The following ARB2A variants were observed in gnomAD, a reference collection of about 807,000 sequenced individuals.
ARB2A encodes the protein ARB2 cotranscriptional regulator A.
chr5:93,676,575 T>C, the ARB2A span, among the ~76,000 whole-genome samples: 1 of 152,208 alleles, frequency 6.6e-6, no homozygotes, highest in Non-Finnish European at 1.5e-5. Context: ...GAAACATGAA[T>C]TGCATATTCT....
the ARB2A span, among the ~76,000 whole-genome samples, chr5:94,002,385 G>A: frequency 6.6e-6 from 1 of 152,000 alleles, no homozygotes; most frequent in East Asian, 1.9e-4. Context: ...AGGTCCCTCT[G>A]GAGTTTTTAA....
the ARB2A span, among the ~76,000 whole-genome samples, chr5:93,840,206 G>T: frequency 9.2e-5 from 14 of 152,198 alleles, no homozygotes; most frequent in African/African-American, 1.4e-4. Flanking sequence ...TTGTATCTTT[G>T]TTCTCACTAG....
chr5:93,842,954 A>T, the ARB2A span, among the ~76,000 whole-genome samples: 2 of 152,190 alleles, frequency 1.3e-5, no homozygotes, highest in Non-Finnish European at 2.9e-5. Context: ...CAGTTTCATC[A>T]CCACCATCCC....
the ARB2A span, among the ~76,000 whole-genome samples, chr5:93,720,422 G>T: frequency 1.3e-5 from 2 of 152,266 alleles, no homozygotes; most frequent in Admixed American, 6.5e-5. Context: ...TCAGGGTTAA[G>T]ATCAGCTAAA....
chr5:94,004,887 T>G, the ARB2A span, among the ~76,000 whole-genome samples: 1 of 148,992 alleles, frequency 6.7e-6, no homozygotes, highest in Non-Finnish European at 1.5e-5. Context: ...GCTTATCTAA[T>G]AAACATATTT....
At chr5:93,690,842 G>A in the ARB2A span, among the ~76,000 whole-genome samples, 1 of 152,158 alleles carries the variant, frequency 6.6e-6, no homozygotes, top group South Asian at 2.1e-4. Flanking sequence ...TCCAGAGGAA[G>A]GAACAGACAG....
chr5:94,016,653 G>A, the ARB2A span, among the ~76,000 whole-genome samples: 1 of 152,230 alleles, frequency 6.6e-6, no homozygotes, highest in African/African-American at 2.4e-5. Context: ...CCTTTATGCA[G>A]ATGATGAGAA....
chr5:93,731,070 C>T, the ARB2A span, among the ~76,000 whole-genome samples: 1 of 152,122 alleles, frequency 6.6e-6, no homozygotes, highest in African/African-American at 2.4e-5. Context: ...TAGGAAACAA[C>T]AAAGTCTCTC....
At chr5:93,676,932 G>A in the ARB2A span, among the ~76,000 whole-genome samples, 48 of 152,190 alleles carry the variant, frequency 3.2e-4, no homozygotes, top group Non-Finnish European at 5.7e-4. Flanking sequence ...GCCATGTCAC[G>A]GTGCCAGATT....
chr5:93,690,874 C>T, the ARB2A span, among the ~76,000 whole-genome samples: 2 of 152,136 alleles, frequency 1.3e-5, no homozygotes, highest in Admixed American at 6.5e-5. Context: ...GTTCTGCAGC[C>T]TCCGCTGGTG....
chr5:93,932,796 A>G, the ARB2A span, among the ~76,000 whole-genome samples: 4 of 152,256 alleles, frequency 2.6e-5, no homozygotes, highest in African/African-American at 9.6e-5. Context: ...TGAAGATTCA[A>G]TGCTAAATCA....
the ARB2A span, among the ~76,000 whole-genome samples, chr5:93,750,017 G>C: frequency 4.6e-5 from 7 of 152,124 alleles, no homozygotes; most frequent in African/African-American, 1.4e-4. Context: ...TTCTTTCTAG[G>C]AGACTGTGAG....
chr5:94,042,467 G>C, the ARB2A span, among the ~76,000 whole-genome samples: 1 of 151,836 alleles, frequency 6.6e-6, no homozygotes, highest in African/African-American at 2.4e-5. Context: ...CACCACGCCT[G>C]GCTAATTTTT....
chr5:94,073,547 C>T, the ARB2A span, among the ~76,000 whole-genome samples: 2 of 152,204 alleles, frequency 1.3e-5, no homozygotes, highest in South Asian at 2.1e-4. Flanking sequence ...TCAATCTGAA[C>T]TCACATACTG....
chr5:93,620,346 TG>T, the ARB2A span: 2 of 152,266 alleles, frequency 1.3e-5, no homozygotes, highest in Admixed American at 6.5e-5. Flanking sequence ...TATGCAGAGT[TG>T]TTTTTTTTTC....
At chr5:93,795,541 C>T in the ARB2A span, among the ~76,000 whole-genome samples, 1 of 152,278 alleles carries the variant, frequency 6.6e-6, no homozygotes, top group East Asian at 1.9e-4. Context: ...AGCCTCCACA[C>T]ACTGCTCTGT....
At chr5:94,099,394 G>A in the ARB2A span, among the ~76,000 whole-genome samples, 1 of 152,018 alleles carries the variant, frequency 6.6e-6, no homozygotes, top group Non-Finnish European at 1.5e-5. Context: ...GGAGGTTGAA[G>A]TGGGTGGATC....
At chr5:93,966,990 T>C in the ARB2A span, among the ~76,000 whole-genome samples, 3 of 152,088 alleles carry the variant, frequency 2.0e-5, no homozygotes, top group Admixed American at 1.3e-4. Flanking sequence ...TCTACATCTT[T>C]TGAGGGAGAT....
chr5:93,763,058 G>C, the ARB2A span, among the ~76,000 whole-genome samples: 6 of 152,084 alleles, frequency 3.9e-5, no homozygotes, highest in Non-Finnish European at 1.5e-5. Context: ...ACTAAACATG[G>C]AAAGGAACAA....
Sources: gnomAD v4.1 joint callset for allele counts (sites outside exome capture counted in the v4.1 genomes callset) on GRCh38, gnomAD v4.1.1 for gene constraint, MANE v1.5 for transcripts, NCBI Gene and HGNC (gene_info 2026-07-23, HGNC 2026-07-21) for gene names.